RGS8: variants seen among roughly 807,000 people sequenced by gnomAD.
RGS8 encodes regulator of G protein signaling 8.
RGS8 carries 8 observed loss-of-function variants against 21.7 expected under a neutral mutation model. The observed-to-expected ratio is 0.37, with a 90% CI of 0.22 to 0.66. The LOEUF is 0.66. RGS8 is among the 30% of genes least tolerant of loss of function. The probability of loss-of-function intolerance (pLI) is 0.59; values close to 1 mark genes in which losing one functional copy is unlikely to be tolerated. For synonymous variants in RGS8, 80 were observed against 83.6 expected, an observed-to-expected ratio of 0.96 and a Z score of 0.24; for missense variants, 157 against 217.9, an observed-to-expected ratio of 0.72 and a Z score of 1.76.
At chr1:182,690,832 G>A in the RGS8 span, among the ~76,000 whole-genome samples, 1 of 152,130 alleles carries the variant, frequency 6.6e-6, no homozygotes, top group East Asian at 1.9e-4. Context: ...CTGACTCTAG[G>A]TTTAGCTATG....
chr1:182,741,966 G>C, the RGS8 span, among the ~76,000 whole-genome samples: 3 of 145,512 alleles, frequency 2.1e-5, no homozygotes, highest in Admixed American at 2.0e-4. Flanking sequence ...CTGGGCGGAG[G>C]GGCTCCTCAC....
chr1:182,723,478 G>C, the RGS8 span, among the ~76,000 whole-genome samples: 1 of 152,194 alleles, frequency 6.6e-6, no homozygotes, highest in African/African-American at 2.4e-5. Flanking sequence ...GCTTCTCCCA[G>C]AGCAGTGATT....
the RGS8 span, among the ~76,000 whole-genome samples, chr1:182,707,316 G>A: frequency 3.3e-5 from 5 of 152,322 alleles, no homozygotes; most frequent in East Asian, 7.7e-4. Context: ...TGGTCCAGCT[G>A]AGGAACATGG....
chr1:182,670,140 T>C (rs1490683004), intron 2 of RGS8, among the ~76,000 whole-genome samples: 1 of 152,184 alleles, frequency 6.6e-6, no homozygotes, highest in African/African-American at 2.4e-5. Flanking sequence ...ATAATCTGAT[T>C]GGATGCTGCT....
the RGS8 span, among the ~76,000 whole-genome samples, chr1:182,737,576 A>C: frequency 6.6e-6 from 1 of 152,166 alleles, no homozygotes; most frequent in East Asian, 1.9e-4. Context: ...TGCTGCATGT[A>C]AGACGTGCTT....
At chr1:182,642,655 G>A (rs936573973), downstream of RGS8, 15 of 152,260 alleles carry the variant, frequency 9.9e-5, no homozygotes, top group African/African-American at 3.1e-4. Context: ...CAAGTGCCCA[G>A]GGCCTGCACC....
intron 5 of RGS8, among the ~76,000 whole-genome samples, chr1:182,664,489 C>A (rs1663756930): frequency 6.6e-6 from 1 of 152,074 alleles, no homozygotes; most frequent in Non-Finnish European, 1.5e-5. Flanking sequence ...AAAATAGAAA[C>A]CAAACTTCAA....
chr1:182,656,696 G>A (rs1411349475), intron 5 of RGS8, among the ~76,000 whole-genome samples: 5 of 152,220 alleles, frequency 3.3e-5, no homozygotes, highest in Non-Finnish European at 7.3e-5. Context: ...CTTGAAAGTT[G>A]CCTGGAATTT....
chr1:182,667,003 G>A, intron 3 of RGS8, 30 bp from the exon 5 acceptor site: 3 of 1,561,080 alleles, frequency 1.9e-6, no homozygotes, highest in Non-Finnish European at 2.7e-6. Context: ...AGAAGGACGG[G>A]GAAACTCTCA....
chr1:182,666,003 C>T lies in RGS8; in HGVS notation c.159G>A (p.Trp53Ter). The change falls in exon 5 of 7, where the codon TGG (tryptophan) becomes TGA (stop). Residue 53 changes from tryptophan to a stop codon, truncating the protein, a stop_gained. Coordinates refer to ENST00000483095, the Ensembl canonical transcript of RGS8. LOFTEE classifies it high-confidence loss of function. Reference sequence around the variant, plus strand: ...AGAGAAGCACATCAAAGGAATCTGCCCACCTCGTAGCTTCTTCTGTCGATA... The same window carrying T: ...AGAGAAGCACATCAAAGGAATCTGCTCACCTCGTAGCTTCTTCTGTCGATA... 1 of 1,613,890 alleles carries T rather than the reference C, an allele frequency of 6.2e-7. No individual in the cohort carries two copies. The highest frequency in any genetic ancestry group is 8.5e-7 in the Non-Finnish European group (1 of 1,179,872).
At chr1:182,644,829 C>A (rs1036321112), downstream of RGS8, 1 of 152,020 alleles carries the variant, frequency 6.6e-6, no homozygotes, top group Non-Finnish European at 1.5e-5. Flanking sequence ...TTTTTAACCA[C>A]GGTTGGGAGG....
chr1:182,674,199 G>A (rs957747899), upstream of RGS8, among the ~76,000 whole-genome samples: 7 of 152,190 alleles, frequency 4.6e-5, no homozygotes, highest in Non-Finnish European at 7.3e-5. Flanking sequence ...CAGTGTCCAC[G>A]GGGTAAAGGC....
upstream of RGS8, among the ~76,000 whole-genome samples, chr1:182,689,253 G>A (rs562068901): frequency 3.0e-5 from 4 of 133,264 alleles, no homozygotes; most frequent in East Asian, 2.3e-4. Context: ...GCACGCGCAC[G>A]CACACACACA....
intron 1 of RGS8, among the ~76,000 whole-genome samples, chr1:182,683,528 C>T (rs12129643): frequency 0.019 from 2,849 of 151,036 alleles, 82 homozygotes; most frequent in African/African-American, 0.066. Flanking sequence ...GACCTACAAA[C>T]ACTTGCAAGC....
At chr1:182,745,588 C>T in the RGS8 span, among the ~76,000 whole-genome samples, 8 of 152,318 alleles carry the variant, frequency 5.3e-5, no homozygotes, top group African/African-American at 1.9e-4. Flanking sequence ...ACTGGCTCTC[C>T]CTTTCAATTA....
intron 5 of RGS8, among the ~76,000 whole-genome samples, chr1:182,653,718 GAGAT>G (rs1051081145): frequency 3.0e-4 from 46 of 152,040 alleles, no homozygotes; most frequent in Admixed American, 2.9e-3. Context: ...AAAAATAAAA[GAGAT>G]AGACTTGGGT....
chr1:182,651,315 C>A (rs1663002542), intron 5 of RGS8, among the ~76,000 whole-genome samples: 1 of 152,154 alleles, frequency 6.6e-6, no homozygotes, highest in Admixed American at 6.5e-5. Flanking sequence ...CTTAATAAAC[C>A]TAACCTACTG....
the RGS8 span, among the ~76,000 whole-genome samples, chr1:182,731,852 G>C: frequency 6.6e-6 from 1 of 152,222 alleles, no homozygotes; most frequent in Admixed American, 6.5e-5. Context: ...AGGTGACCTT[G>C]TTAGTGGCAG....
chr1:182,682,963 G>T (rs1166058942), intron 1 of RGS8, among the ~76,000 whole-genome samples: 1 of 152,186 alleles, frequency 6.6e-6, no homozygotes, highest in Non-Finnish European at 1.5e-5. Flanking sequence ...CACCTAACTG[G>T]CATGTTTCAT....
Sources: allele counts gnomAD v4.1 joint callset (sites outside exome capture counted in the v4.1 genomes callset), GRCh38; gene constraint gnomAD v4.1.1; transcripts MANE v1.5; gene names NCBI Gene and HGNC (gene_info 2026-07-23, HGNC 2026-07-21).